ERAP2: variants seen among roughly 807,000 people sequenced by gnomAD.
The protein encoded by ERAP2 is leukocyte-derived arginine aminopeptidase.
A neutral mutation model predicts 111.1 loss-of-function variants in ERAP2; 118 were observed. The ratio of observed to expected loss-of-function variants is 1.06; its 90% CI spans 0.92 to 1.24. The LOEUF (loss-of-function observed/expected upper bound fraction) is 1.24, where lower values mean the gene tolerates loss of function less well. ERAP2 is among the 50% of genes most tolerant of loss of function. ERAP2 has a pLI of 0.00. For synonymous variants in ERAP2, 410 were observed against 401.2 expected (o/e 1.02, Z -0.26); for missense variants, 1,131 against 1,125.8 (o/e 1.00, Z -0.07).
At chr5:96,911,615 G>T (rs143189349) in intron 15 of ERAP2, among the ~76,000 whole-genome samples, 1 of 151,996 alleles carries the variant, frequency 6.6e-6, no homozygotes, top group Non-Finnish European at 1.5e-5. Context: ...GCCAAGTGCC[G>T]TAGCTCATGC....
chr5:96,901,129 C>T (rs1332468020), intron 10 of ERAP2, among the ~76,000 whole-genome samples: 2 of 152,120 alleles, frequency 1.3e-5, no homozygotes, highest in African/African-American at 2.4e-5. Context: ...ATATTTCCCT[C>T]GTAAACCACC....
chr5:96,901,194 G>GTTTTAT (rs1561385212), intron 10 of ERAP2, among the ~76,000 whole-genome samples: 2 of 146,256 alleles, frequency 1.4e-5, no homozygotes, highest in Non-Finnish European at 3.0e-5. Context: ...GTTTGATTTT[G>GTTTTAT]TTTGTTTGCT....
intron 12 of ERAP2, 55 bp from the exon 13 acceptor site, chr5:96,903,322 T>A: frequency 1.5e-6 from 2 of 1,333,254 alleles, no homozygotes. Flanking sequence ...GTTCTGGAGA[T>A]GTTCTGAATA....
chr5:96,899,889 T>G (rs17407871), intron 9 of ERAP2, among the ~76,000 whole-genome samples: 6,166 of 152,338 alleles, frequency 0.04, 211 homozygotes, highest in Middle Eastern at 0.12. Context: ...TTATTGAACT[T>G]TTTAAGGAAA....
At position 96,883,775 on chromosome 5, in the gene ERAP2, G is replaced by T; in HGVS notation, c.576-17G>T. ...ATTTCACTTGTGCATTTTGGCTGGGGGTGGGTCTTTTCACAGAATTCTTGC... is the reference window on the plus strand; with the variant it reads ...ATTTCACTTGTGCATTTTGGCTGGGTGTGGGTCTTTTCACAGAATTCTTGC... On this transcript the variant is annotated splice_polypyrimidine_tract_variant and intron_variant, in intron 2 of 18. Coordinates refer to ENST00000437043, the MANE Select transcript of ERAP2 (RefSeq NM_022350.5). 1 of 1,605,960 alleles carries T rather than the reference G, an allele frequency of 6.2e-7. No homozygotes were observed. The highest frequency in any genetic ancestry group is 1.1e-5 in the South Asian group (1 of 89,380).
Position 96,918,784 on chromosome 5 carries a change from T to C in ERAP2, c.*1179T>C, listed in dbSNP as rs973957834. The C allele has an allele frequency of 6.6e-6, 1 of 152,202 alleles. No individual in the cohort carries two copies. The highest frequency in any genetic ancestry group is 2.4e-5 in the African/African-American group (1 of 41,452). The allele number at this position is 152,202 out of a possible 1,614,324, so 9.4% of individuals were successfully genotyped here. ...TTGAAATTTGCAGAATTAGATTGTA[T>C]TGTGTATTTTCGGTTAAATGATAAT... On this transcript the variant is annotated 3_prime_UTR_variant, in exon 19 of 19. Transcript: ENST00000437043.
At chr5:96,895,400 G>C (rs750165192) in intron 7 of ERAP2, 41 bp downstream of exon 7, 1 of 1,302,008 alleles carries the variant, frequency 7.7e-7, no homozygotes. Context: ...ATGGTGTAAA[G>C]AATCATCAAT....
At chr5:96,889,162 C>T in intron 4 of ERAP2, 23 bp from the exon 5 acceptor site, 1 of 1,612,148 alleles carries the variant, frequency 6.2e-7, no homozygotes, top group Admixed American at 1.7e-5. Context: ...ATTCAAAAAC[C>T]TCTTCTGATC....
chr5:96,884,079 T>TATC (rs112108098), intron 3 of ERAP2, 149 bp downstream of exon 3: 18 of 585,234 alleles, frequency 3.1e-5, no homozygotes, highest in Admixed American at 4.1e-5. Context: ...TCTATCTATC[T>TATC]ATCATCATAA....
chr5:96,913,247 T>A, intron 16 of ERAP2, 70 bp from the exon 17 acceptor site: 2 of 1,210,866 alleles, frequency 1.7e-6, no homozygotes, highest in Non-Finnish European at 2.4e-6. Flanking sequence ...TTTAATATAT[T>A]GGTGGCTTGA....
intron 9 of ERAP2, 96 bp downstream of exon 9, chr5:96,896,959 A>T: frequency 9.5e-7 from 1 of 1,047,808 alleles, no homozygotes; most frequent in Non-Finnish European, 1.3e-6. Context: ...TTGTCAGTCA[A>T]CCATATTTAT....
chr5:96,882,588 T>C (rs965172634), intron 2 of ERAP2, among the ~76,000 whole-genome samples: 1 of 152,262 alleles, frequency 6.6e-6, no homozygotes, highest in Non-Finnish European at 1.5e-5. Context: ...ACTTTGCATG[T>C]AGAGTTCCAA....
chr5:96,882,702 T>C (rs1302407983), intron 2 of ERAP2, among the ~76,000 whole-genome samples: 1 of 152,182 alleles, frequency 6.6e-6, no homozygotes, highest in African/African-American at 2.4e-5. Context: ...CCAGTTAGAA[T>C]TCCTTTACAT....
chr5:96,903,666 T>A (rs1785731025), intron 13 of ERAP2, 106 bp downstream of exon 13: 3 of 1,075,346 alleles, frequency 2.8e-6, no homozygotes, highest in South Asian at 3.6e-5. Flanking sequence ...TTAATATGGA[T>A]TTGAATGGAA....
At position 96,912,827 on chromosome 5, in the gene ERAP2, A is replaced by G. The variant is rs190229753; in HGVS notation, c.2516+29A>G. On this transcript the variant is annotated intron_variant, in intron 16 of 18. Transcript: ENST00000437043. Reference sequence around the variant, plus strand: ...AGTTCAATAATTTAACTAAATTGTTATAAGTAAACTGACACAAATTCAGTG... The same window carrying G: ...AGTTCAATAATTTAACTAAATTGTTGTAAGTAAACTGACACAAATTCAGTG... 9.6e-6 allele frequency: 15 copies of G among 1,557,042 alleles called. No homozygotes were observed. In the Admixed American group the frequency reaches 2.7e-4, roughly 28 times the overall value.
At chr5:96,899,448 T>C (rs1411541631) in intron 9 of ERAP2, among the ~76,000 whole-genome samples, 1 of 152,208 alleles carries the variant, frequency 6.6e-6, no homozygotes, top group Admixed American at 6.5e-5. Flanking sequence ...AACTTGAGAA[T>C]GAGAAGAATT....
chr5:96,889,359 G>A (rs758781200), intron 5 of ERAP2, 54 bp downstream of exon 5: 1 of 1,588,384 alleles, frequency 6.3e-7, no homozygotes, highest in South Asian at 1.1e-5. Context: ...AACTTGCTTT[G>A]ATCTCTTCCC....
In ERAP2 at chr5:96,909,774, G is replaced by GACTT. The variant is rs772518642; in HGVS notation, c.2354+11_2354+14dup. On this transcript the variant is annotated intron_variant, in intron 15 of 18. Coordinates refer to ENST00000437043, the MANE Select transcript of ERAP2 (RefSeq NM_022350.5). ...CCAGTGGAAAATTAAAGTAGATGTA[G>GACTT]ACTTCTGTCCTACCCTTTGTTCTTT... 6.2e-7 allele frequency: 1 copy of GACTT among 1,613,230 alleles called. No individual in the cohort carries two copies. Among genetic ancestry groups the GACTT allele is most frequent in the Non-Finnish European group, 8.5e-7 (1 of 1,179,352 alleles).
intron 13 of ERAP2, among the ~76,000 whole-genome samples, chr5:96,905,606 C>T (rs1037473413): frequency 2.6e-5 from 4 of 152,090 alleles, no homozygotes; most frequent in African/African-American, 7.2e-5. Context: ...AAAGGAGGCC[C>T]GGCACAGTGG....
Sources: gnomAD v4.1 joint callset for allele counts (sites outside exome capture counted in the v4.1 genomes callset) on GRCh38, gnomAD v4.1.1 for gene constraint, MANE v1.5 for transcripts, NCBI Gene and HGNC (gene_info 2026-07-23, HGNC 2026-07-21) for gene names.